NBPF9: variants seen among roughly 807,000 people sequenced by gnomAD.
The protein encoded by NBPF9 is NBPF member 9, also known as NBPF family member NBPF9.
Under a neutral mutation model 97.8 loss-of-function variants are expected in NBPF9, and 91 were observed. The observed-to-expected ratio is 0.93, with a 90% CI of 0.79 to 1.11. The LOEUF (loss-of-function observed/expected upper bound fraction) is 1.11, where lower values mean the gene tolerates loss of function less well. Ranked by LOEUF, NBPF9 falls within the 50% of genes least tolerant of loss-of-function variation. The probability of loss-of-function intolerance (pLI) is 0.00; values close to 1 mark genes in which losing one functional copy is unlikely to be tolerated. For missense variants in NBPF9, 992 were observed against 939.5 expected (o/e 1.06, Z -0.73); for synonymous variants, 334 against 359.5 (o/e 0.93, Z 0.80).
At chr1:149,097,939 G>T (rs1247634224) in intron 4 of NBPF9, among the ~76,000 whole-genome samples, 1 of 151,526 alleles carries the variant, frequency 6.6e-6, no homozygotes, top group African/African-American at 2.4e-5. Flanking sequence ...ACTGAGCCAT[G>T]TTTCCCCATC....
chr1:149,053,487 C>A (rs1197098144), downstream of NBPF9, among the ~76,000 whole-genome samples: 930 of 108,278 alleles, frequency 8.6e-3, no homozygotes, highest in Middle Eastern at 0.023. Flanking sequence ...CTCAGCGAGA[C>A]CTGATTCCCT....
chr1:149,086,481 A>C (rs1438257154), intron 5 of NBPF9, among the ~76,000 whole-genome samples: 1 of 148,976 alleles, frequency 6.7e-6, no homozygotes, highest in African/African-American at 2.5e-5. Flanking sequence ...AGTTTATTGG[A>C]GATCTGAAGG....
chr1:149,074,828 A>T (rs1204866133), intron 12 of NBPF9, among the ~76,000 whole-genome samples: 3 of 145,520 alleles, frequency 2.1e-5, no homozygotes, highest in East Asian at 3.9e-4. Flanking sequence ...TATTATTATT[A>T]TTTTTACCAG....
chr1:149,092,311 G>A (rs1553660334), intron 4 of NBPF9, among the ~76,000 whole-genome samples: 2 of 134,250 alleles, frequency 1.5e-5, no homozygotes, highest in East Asian at 2.2e-4. Flanking sequence ...AGGACTCCAT[G>A]AGTTGTTATT....
Position 149,055,429 on chromosome 1 carries a change from C to T in NBPF9, c.*227G>A, listed in dbSNP as rs1261921321. On this transcript the variant is annotated 3_prime_UTR_variant, in exon 30 of 30. Transcript: ENST00000584027. ...ATTAAAATGTCTGACTGATCACTCC[C>T]GGCATGTGCTGCACAGTTATGTGAA... is the stretch of plus-strand genomic sequence containing the variant. 58 of 721,212 alleles carry T rather than the reference C, an allele frequency of 8.0e-5. 1 individual carries two copies. The South Asian group carries it at 8.3e-4, about 10-fold the overall frequency. 44.7% of individuals were successfully genotyped at this position (721,212 alleles called of 1,614,324 possible). A position where few individuals can be genotyped will look rare whatever the true frequency, so the allele number is the denominator to read the frequency against.
intron 14 of NBPF9, 112 bp from the exon 15 acceptor site, chr1:149,071,788 T>G: frequency 3.0e-6 from 2 of 676,992 alleles, no homozygotes; most frequent in East Asian, 3.0e-5. Flanking sequence ...ACCGTTCAAC[T>G]GAAAACTCTC....
intron 20 of NBPF9, 141 bp from the exon 21 acceptor site, chr1:149,063,054 C>A (rs1453504008): frequency 1.3e-4 from 75 of 563,940 alleles, no homozygotes; most frequent in Middle Eastern, 9.7e-4. Context: ...TTCAGGAGGC[C>A]TGAAGGCTGA....
chr1:149,055,742 C>A (rs781942874), exon 30 of NBPF9: 6 of 1,611,770 alleles, frequency 3.7e-6, no homozygotes, highest in African/African-American at 1.3e-5. Flanking sequence ...ACGTAAAGGG[C>A]GAAGCTGATG....
downstream of NBPF9, among the ~76,000 whole-genome samples, chr1:149,052,533 G>T (rs1280587898): frequency 9.9e-5 from 15 of 151,788 alleles, 1 homozygote; most frequent in Admixed American, 5.9e-4. Context: ...ATCCATCAAG[G>T]GCCAGGAGAG....
chr1:149,068,187 G>A (rs1243476142), intron 17 of NBPF9, among the ~76,000 whole-genome samples: 5 of 149,140 alleles, frequency 3.4e-5, no homozygotes, highest in Non-Finnish European at 7.4e-5. Flanking sequence ...AAACTCTAAA[G>A]ACCATTGACG....
chr1:149,073,315 CA>C (rs1384213324), intron 13 of NBPF9, among the ~76,000 whole-genome samples: 9 of 140,508 alleles, frequency 6.4e-5, no homozygotes, highest in South Asian at 4.9e-4. Flanking sequence ...GAAATGAGGC[CA>C]GGGGCAGATG....
At chr1:149,081,609 T>G (rs2080454428) in intron 7 of NBPF9, among the ~76,000 whole-genome samples, 1 of 151,750 alleles carries the variant, frequency 6.6e-6, no homozygotes, top group Admixed American at 6.6e-5. Flanking sequence ...GTCCTAGACA[T>G]TTAGAACAAC....
At chr1:149,087,382 T>G (rs1380971226) in intron 5 of NBPF9, among the ~76,000 whole-genome samples, 4 of 150,902 alleles carry the variant, frequency 2.7e-5, no homozygotes, top group Admixed American at 2.0e-4. Flanking sequence ...TACATATATA[T>G]ATGTCCTAAG....
rs1469354599 is a variant in NBPF9, at chr1:149,098,482, T to G, written c.-381A>C. 3.7e-5 allele frequency: 57 copies of G among 1,527,720 alleles called. No homozygotes were observed. The African/African-American group carries it at 5.5e-4, about 15-fold the overall frequency. 94.6% of individuals were successfully genotyped at this position (1,527,720 alleles called of 1,614,324 possible). A position where few individuals can be genotyped will look rare whatever the true frequency, so the allele number is the denominator to read the frequency against. ...TTCATTTGGCCCACACCGTGTGAGGTTGCTCTTGGTGCACCGAATGGGGAA... is the reference window on the plus strand; with the variant it reads ...TTCATTTGGCCCACACCGTGTGAGGGTGCTCTTGGTGCACCGAATGGGGAA... On this transcript the variant is annotated 5_prime_UTR_variant, in exon 4 of 30. Coordinates refer to ENST00000584027, the Ensembl canonical transcript of NBPF9.
chr1:149,084,632 C>A (rs587754016), intron 5 of NBPF9, among the ~76,000 whole-genome samples: 1 of 151,142 alleles, frequency 6.6e-6, no homozygotes, highest in African/African-American at 2.4e-5. Context: ...AGCCTCGTGG[C>A]GGACGGGACC....
In NBPF9 at chr1:149,060,335, TG is replaced by T. The variant is rs2078517032; in HGVS notation, c.2476+187del. 8.9e-6 allele frequency: 4 copies of T among 450,226 alleles called. 1 individual carries two copies. Among genetic ancestry groups the T allele is most frequent in the Non-Finnish European group, 1.6e-5 (4 of 244,192 alleles). The allele number at this position is 450,226 out of a possible 1,614,324, so 27.9% of individuals were successfully genotyped here. Reference sequence around the variant, plus strand: ...TGGCCTGAGACTAGGAAGAGAGTCTTGCCCACTGACCCATCCCTCATCTGGG... The same window carrying T: ...TGGCCTGAGACTAGGAAGAGAGTCTTCCCACTGACCCATCCCTCATCTGGG... On this transcript the variant is annotated intron_variant, in intron 24 of 29. Transcript: ENST00000584027.
rs782471176 is a variant in NBPF9 at position 149,055,700 on chromosome 1, T to C, written c.3292A>G (p.Ser1098Gly). 10 of 1,611,886 alleles carry C rather than the reference T, an allele frequency of 6.2e-6. No homozygotes were observed. The South Asian group carries it at 8.8e-5, about 14-fold the overall frequency. Residue 1098 changes from serine to glycine, a missense_variant, in exon 30 of 30, where the codon AGT (serine) becomes GGT (glycine). Ser to Gly is a moderately conservative substitution (Grantham distance 56). Coordinates refer to ENST00000584027, the Ensembl canonical transcript of NBPF9. ...TCCATCTGGAACACCAGGTGGAGAC[T>C]TGTCACCGTCAAAGTAAAAAACCTA... is the stretch of plus-strand genomic sequence containing the variant.
intron 4 of NBPF9, among the ~76,000 whole-genome samples, chr1:149,095,800 C>G (rs1183708604): frequency 6.6e-6 from 1 of 151,990 alleles, no homozygotes; most frequent in African/African-American, 2.4e-5. Flanking sequence ...ACGGTGAACA[C>G]ACCAAATGCT....
At chr1:149,068,480 G>C (rs1193047314) in intron 17 of NBPF9, among the ~76,000 whole-genome samples, 4 of 149,026 alleles carry the variant, frequency 2.7e-5, no homozygotes, top group Non-Finnish European at 5.9e-5. Flanking sequence ...TGCAATCCTA[G>C]TCTCTGATAA....
Sources: allele counts gnomAD v4.1 joint callset (sites outside exome capture counted in the v4.1 genomes callset), GRCh38; gene constraint gnomAD v4.1.1; transcripts MANE v1.5; gene names NCBI Gene and HGNC (gene_info 2026-07-23, HGNC 2026-07-21).